Variants in HTR2A observed in about 807,000 individuals in gnomAD.
HTR2A encodes 5-HT2 receptor.
A neutral mutation model predicts 31.0 loss-of-function variants in HTR2A; 14 were observed. That is an observed-to-expected ratio of 0.45 (90% CI 0.30 to 0.71). HTR2A has a LOEUF of 0.71. Ranked by LOEUF, HTR2A falls within the 30% of genes least tolerant of loss-of-function variation. HTR2A has a pLI of 0.09. For synonymous variants in HTR2A, 209 were observed against 225.2 expected (o/e 0.93, Z 0.64); for missense variants, 442 against 573.3 (o/e 0.77, Z 2.34).
intron 3 of HTR2A, among the ~76,000 whole-genome samples, chr13:46,861,157 G>A (rs978945612): frequency 6.6e-6 from 1 of 152,138 alleles, no homozygotes; most frequent in Non-Finnish European, 1.5e-5. Flanking sequence ...AGTCATAAAC[G>A]GAAAGCAGCT....
At chr13:46,884,390 A>G (rs576853604) in intron 3 of HTR2A, among the ~76,000 whole-genome samples, 1 of 152,380 alleles carries the variant, frequency 6.6e-6, no homozygotes, top group African/African-American at 2.4e-5. Context: ...TCTTCAAAAT[A>G]TTCTGCAATT....
rs1328960223 is a variant in HTR2A, at chr13:46,852,801, C to A, written c.614-17162G>T. 2.6e-5 allele frequency among the ~76,000 whole-genome samples: 4 copies of A among 152,136 alleles called. No homozygotes were observed. The East Asian group carries it at 7.7e-4, about 29-fold the overall frequency. On this transcript the variant is annotated intron_variant, in intron 3 of 3. Transcript: ENST00000542664. Reference sequence around the variant, plus strand: ...AACATTTTAAAATCACTTAGTCATGCTCCTCAAAAAATTTTAACTTTTGGA... The same window carrying A: ...AACATTTTAAAATCACTTAGTCATGATCCTCAAAAAATTTTAACTTTTGGA...
intron 3 of HTR2A, among the ~76,000 whole-genome samples, chr13:46,863,045 T>C (rs1928043): frequency 0.033 from 4,997 of 152,312 alleles, 266 homozygotes; most frequent in African/African-American, 0.11. Flanking sequence ...CCATGTGCAT[T>C]GGAGAATAAA....
chr13:46,877,147 A>G (rs1321167049), intron 3 of HTR2A, among the ~76,000 whole-genome samples: 1 of 152,124 alleles, frequency 6.6e-6, no homozygotes, highest in African/African-American at 2.4e-5. Flanking sequence ...GCTATACTGT[A>G]CCCTTTCTTA....
intron 3 of HTR2A, among the ~76,000 whole-genome samples, chr13:46,875,268 G>A (rs1211833066): frequency 6.6e-6 from 1 of 152,094 alleles, no homozygotes; most frequent in Non-Finnish European, 1.5e-5. Flanking sequence ...AATGTGAAAA[G>A]GAATCATGAA....
At chr13:46,858,304 T>C (rs532835351) in intron 3 of HTR2A, among the ~76,000 whole-genome samples, 11 of 152,108 alleles carry the variant, frequency 7.2e-5, no homozygotes, top group African/African-American at 2.7e-4. Context: ...CAGGCAGCTC[T>C]CAGGGCAAGG....
At chr13:46,871,355 C>A (rs917486848) in intron 3 of HTR2A, among the ~76,000 whole-genome samples, 11 of 152,206 alleles carry the variant, frequency 7.2e-5, no homozygotes, top group African/African-American at 2.4e-4. Flanking sequence ...TTATTCAATT[C>A]TACTTGAAGC....
chr13:46,870,110 AT>A lies in HTR2A; in HGVS notation c.613+22279del, dbSNP rs545898545. Among the ~76,000 whole-genome samples the A allele has an allele frequency of 3.3e-3, 498 of 152,290 alleles. 2 individuals carry two copies. The highest frequency in any genetic ancestry group is 0.011 in the African/African-American group (473 of 41,566). On this transcript the variant is annotated intron_variant, in intron 3 of 3. Transcript: ENST00000542664. ...GCCTTTGTGACTTTTAAAAATATGA[AT>A]TCTAAACTGGTCAAATATATATAAT...
chr13:46,843,463 G>A (rs1204637469), intron 3 of HTR2A, among the ~76,000 whole-genome samples: 1 of 152,120 alleles, frequency 6.6e-6, no homozygotes, highest in Non-Finnish European at 1.5e-5. Flanking sequence ...TACCCTGGAG[G>A]GTTGACTATT....
chr13:46,836,229 T>G (rs1334627050), intron 3 of HTR2A, among the ~76,000 whole-genome samples: 1 of 151,886 alleles, frequency 6.6e-6, no homozygotes, highest in Non-Finnish European at 1.5e-5. Context: ...GGCTTATATA[T>G]AAAAATAACT....
rs1048596895 is a variant in HTR2A at position 46,852,916 on chromosome 13, C to A, written c.614-17277G>T. ...AGGTAAGTTATCTCAATAATTTGAA[C>A]ATGTTATATTTTTATCTACTTAGGT... On this transcript the variant is annotated intron_variant, in intron 3 of 3. Transcript: ENST00000542664. 1.5e-4 allele frequency among the ~76,000 whole-genome samples: 22 copies of A among 151,450 alleles called. 1 individual carries two copies. The highest frequency in any genetic ancestry group is 1.4e-3 in the Admixed American group (22 of 15,202).
In HTR2A at chr13:46,896,672, A is replaced by C; in HGVS notation, c.-329+2T>G. 6.6e-7 allele frequency: 1 copy of C among 1,521,472 alleles called. No homozygotes were observed. Among genetic ancestry groups the C allele is most frequent in the Non-Finnish European group, 8.8e-7 (1 of 1,139,552 alleles). The allele number at this position is 1,521,472 out of a possible 1,614,324, so 94.2% of individuals were successfully genotyped here. A position where few individuals can be genotyped will look rare whatever the true frequency, so the allele number is the denominator to read the frequency against. ...ATAAAATATAGCGGCATGAGAACTT[A>C]CATTTGTCTTCAGGGTCCACACATG... On this transcript the variant is annotated splice_donor_variant, in intron 1 of 3. Coordinates refer to ENST00000542664, the MANE Select transcript of HTR2A (RefSeq NM_000621.5). LOFTEE classifies it low-confidence loss of function (5UTR_SPLICE).
At chr13:46,893,589 C>T (rs1032057680) in intron 2 of HTR2A, among the ~76,000 whole-genome samples, 3 of 152,136 alleles carry the variant, frequency 2.0e-5, no homozygotes, top group African/African-American at 7.2e-5. Flanking sequence ...AATGTCAAAG[C>T]GTTTGCAAAG....
intron 3 of HTR2A, among the ~76,000 whole-genome samples, chr13:46,861,556 T>C (rs905956228): frequency 3.9e-5 from 6 of 152,348 alleles, no homozygotes; most frequent in African/African-American, 1.4e-4. Context: ...GGTTTTCCCA[T>C]CAAAGATTTG....
At chr13:46,843,970 A>G (rs569061840) in intron 3 of HTR2A, among the ~76,000 whole-genome samples, 2 of 152,316 alleles carry the variant, frequency 1.3e-5, no homozygotes, top group East Asian at 1.9e-4. Flanking sequence ...TTCAAAACGT[A>G]TCTCAAGGCA....
intron 3 of HTR2A, among the ~76,000 whole-genome samples, chr13:46,887,295 C>A (rs187974397): frequency 0.048 from 7,226 of 151,614 alleles, 186 homozygotes; most frequent in Middle Eastern, 0.082. Flanking sequence ...TGGTGGCGGG[C>A]GCCTGTAGTC....
Position 46,895,354 on chromosome 13 carries a change from G to T in HTR2A, c.412+141C>A. 1 of 709,880 alleles carries T rather than the reference G, an allele frequency of 1.4e-6. No individual in the cohort carries two copies. The highest frequency in any genetic ancestry group is 2.3e-6 in the Non-Finnish European group (1 of 436,874). 44.0% of individuals were successfully genotyped at this position (709,880 alleles called of 1,614,324 possible). A position where few individuals can be genotyped will look rare whatever the true frequency, so the allele number is the denominator to read the frequency against. On this transcript the variant is annotated intron_variant, in intron 2 of 3. Transcript: ENST00000542664. The surrounding 1 kb of genome is among the most constrained non-coding windows in gnomAD (Gnocchi z 4.4). ...ATCCCATTTTAAGAGTAAAATATAA[G>T]TAACATAGTAGGCTCTAGTCTATAA...
chr13:46,859,747 G>A (rs1385369271), intron 3 of HTR2A, among the ~76,000 whole-genome samples: 2 of 152,080 alleles, frequency 1.3e-5, no homozygotes, highest in African/African-American at 2.4e-5. Flanking sequence ...CTGCAGAACC[G>A]TGAGCCGATT....
chr13:46,873,152 CTT>C (rs71077929), intron 3 of HTR2A, among the ~76,000 whole-genome samples: 27 of 145,702 alleles, frequency 1.9e-4, no homozygotes, highest in Admixed American at 2.1e-4. Context: ...ATTTTACTTT[CTT>C]TTTTTTTTTT....
Sources: gnomAD v4.1 joint callset for allele counts (sites outside exome capture counted in the v4.1 genomes callset) on GRCh38, gnomAD v4.1.1 for gene constraint, Gnocchi (gnomAD v3.1) non-coding constraint, MANE v1.5 for transcripts, NCBI Gene and HGNC (gene_info 2026-07-23, HGNC 2026-07-21) for gene names.